RGS7BP: variants seen among roughly 807,000 people sequenced by gnomAD.
RGS7BP encodes the protein regulator of G protein signaling 7 binding protein, also known as regulator of G protein signaling 7-binding protein.
RGS7BP carries 9 observed loss-of-function variants against 31.3 expected under a neutral mutation model. The ratio of observed to expected loss-of-function variants is 0.29; its 90% CI spans 0.17 to 0.50. The LOEUF (loss-of-function observed/expected upper bound fraction) is 0.50. Among genes scored for constraint, RGS7BP ranks in the 20% least tolerant of loss-of-function variants. The pLI, the probability that RGS7BP is intolerant of heterozygous loss-of-function variation, is 0.98. For synonymous variants in RGS7BP, 115 were observed against 120.1 expected (o/e 0.96, Z 0.28); for missense variants, 274 against 322.0 (o/e 0.85, Z 1.14).
chr5:64,612,294 A>C lies in RGS7BP; in HGVS notation c.*3042A>C, dbSNP rs1743525718. The C allele has an allele frequency of 6.6e-6, 1 of 152,302 alleles. No homozygotes were observed. Among genetic ancestry groups the C allele is most frequent in the South Asian group, 2.1e-4 (1 of 4,826 alleles). 9.4% of individuals were successfully genotyped at this position (152,302 alleles called of 1,614,324 possible). A position where few individuals can be genotyped will look rare whatever the true frequency, so the allele number is the denominator to read the frequency against. On this transcript the variant is annotated 3_prime_UTR_variant, in exon 6 of 6. Coordinates refer to ENST00000334025, the MANE Select transcript of RGS7BP (RefSeq NM_001029875.3). ...GCCCACAAGGCCAAGGTGTCACTTAAAAAAACAAACAAAAAAAACAAGCCA... is the reference window on the plus strand; with the variant it reads ...GCCCACAAGGCCAAGGTGTCACTTACAAAAACAAACAAAAAAAACAAGCCA...
At chr5:64,559,504 T>G (rs1742002907) in intron 2 of RGS7BP, among the ~76,000 whole-genome samples, 1 of 152,176 alleles carries the variant, frequency 6.6e-6, no homozygotes, top group Non-Finnish European at 1.5e-5. Context: ...GGGTGCTAGG[T>G]GCCTTCTCAT....
chr5:64,556,421 AC>A (rs1449181891), intron 2 of RGS7BP, among the ~76,000 whole-genome samples: 131 of 97,234 alleles, frequency 1.3e-3, no homozygotes, highest in African/African-American at 4.9e-3. Flanking sequence ...CCCCAGCCAC[AC>A]ACACACACAC....
intron 2 of RGS7BP, among the ~76,000 whole-genome samples, chr5:64,557,913 G>A (rs1741966160): frequency 6.6e-6 from 1 of 152,116 alleles, no homozygotes; most frequent in African/African-American, 2.4e-5. Context: ...ATGAAGGAAG[G>A]CCAAAATGAA....
At chr5:64,607,103 T>C (rs1490993624) in intron 5 of RGS7BP, among the ~76,000 whole-genome samples, 1 of 152,066 alleles carries the variant, frequency 6.6e-6, no homozygotes, top group Non-Finnish European at 1.5e-5. Flanking sequence ...AGGAACACTG[T>C]CAACCTTGGT....
intron 2 of RGS7BP, among the ~76,000 whole-genome samples, chr5:64,521,900 C>T (rs1027641147): frequency 6.6e-6 from 1 of 152,192 alleles, no homozygotes. Flanking sequence ...GAAATGGATA[C>T]ATTCCTACAG....
chr5:64,516,530 C>T (rs950181975), intron 2 of RGS7BP, among the ~76,000 whole-genome samples: 8 of 152,176 alleles, frequency 5.3e-5, no homozygotes, highest in African/African-American at 1.2e-4. Context: ...CCTCCTAAAA[C>T]GCTCCTCTGA....
chr5:64,528,609 C>T (rs1201246468), intron 2 of RGS7BP, among the ~76,000 whole-genome samples: 1 of 151,848 alleles, frequency 6.6e-6, no homozygotes, highest in East Asian at 1.9e-4. Context: ...GTCAGGTGTT[C>T]GAGACCAGCC....
At chr5:64,575,074 TTATCATTTATA>T (rs1742384926) in intron 2 of RGS7BP, among the ~76,000 whole-genome samples, 1 of 152,188 alleles carries the variant, frequency 6.6e-6, no homozygotes, top group Non-Finnish European at 1.5e-5. Flanking sequence ...GCTCCATGTT[TTATCATTTATA>T]TATGTTTTAT....
chr5:64,589,140 CA>C (rs60475127), intron 3 of RGS7BP, among the ~76,000 whole-genome samples: 5,262 of 151,464 alleles, frequency 0.035, 277 homozygotes, highest in African/African-American at 0.12. Flanking sequence ...ACTAAAAATA[CA>C]AAAAAAATTC....
At chr5:64,583,947 T>C (rs751603692) in intron 3 of RGS7BP, among the ~76,000 whole-genome samples, 1 of 152,200 alleles carries the variant, frequency 6.6e-6, no homozygotes, top group Non-Finnish European at 1.5e-5. Flanking sequence ...ACTTGCCAGG[T>C]GCATTATACA....
intron 2 of RGS7BP, among the ~76,000 whole-genome samples, chr5:64,566,632 A>T (rs952964860): frequency 6.6e-6 from 1 of 152,008 alleles, no homozygotes; most frequent in African/African-American, 2.4e-5. Flanking sequence ...TTACTATTAA[A>T]ATGAGCAAAA....
chr5:64,555,799 G>A (rs142645953), intron 2 of RGS7BP, among the ~76,000 whole-genome samples: 1 of 152,026 alleles, frequency 6.6e-6, no homozygotes, highest in Non-Finnish European at 1.5e-5. Flanking sequence ...ATTCAGTTCT[G>A]GTAATTCTGT....
intron 2 of RGS7BP, among the ~76,000 whole-genome samples, chr5:64,529,596 G>A (rs1449070414): frequency 1.3e-5 from 2 of 152,188 alleles, no homozygotes; most frequent in Non-Finnish European, 2.9e-5. Context: ...TACCCTCAGA[G>A]ATTCTGATTT....
chr5:64,522,925 A>C (rs1749144195), intron 2 of RGS7BP, among the ~76,000 whole-genome samples: 1 of 152,184 alleles, frequency 6.6e-6, no homozygotes, highest in Admixed American at 6.5e-5. Context: ...TTATAAAGGC[A>C]TTCTCCATCT....
At chr5:64,604,022 G>A (rs536119026) in intron 5 of RGS7BP, among the ~76,000 whole-genome samples, 2 of 152,338 alleles carry the variant, frequency 1.3e-5, no homozygotes, top group African/African-American at 4.8e-5. Flanking sequence ...GAGGTGGCAA[G>A]TGCAAAGGCA....
rs1394990393 is a variant in RGS7BP at position 64,506,844 on chromosome 5, G to A, written c.165+55G>A. ...TTTTTTAATTGAGAGGGGGTGGGGG[G>A]AGTCATGTATGTTAATCATTTGCCT... On this transcript the variant is annotated intron_variant, in intron 1 of 5. Coordinates refer to ENST00000334025, the MANE Select transcript of RGS7BP (RefSeq NM_001029875.3). The surrounding 1 kb of genome is among the most constrained non-coding windows in gnomAD (Gnocchi z 4.6). 8.0e-6 allele frequency: 12 copies of A among 1,496,648 alleles called. No homozygotes were observed. The East Asian group carries it at 1.8e-4, about 23-fold the overall frequency. 92.7% of individuals were successfully genotyped at this position (1,496,648 alleles called of 1,614,324 possible).
At chr5:64,581,325 T>C (rs570822027) in intron 3 of RGS7BP, among the ~76,000 whole-genome samples, 1 of 152,348 alleles carries the variant, frequency 6.6e-6, no homozygotes, top group South Asian at 2.1e-4. Flanking sequence ...GCTTTGCTTT[T>C]CCATCAAGGA....
intron 3 of RGS7BP, among the ~76,000 whole-genome samples, chr5:64,577,364 C>A (rs750137835): frequency 6.6e-6 from 1 of 152,082 alleles, no homozygotes; most frequent in East Asian, 1.9e-4. Flanking sequence ...ATGGCATGAA[C>A]CTGGGAGGCG....
intron 4 of RGS7BP, among the ~76,000 whole-genome samples, chr5:64,597,785 G>C (rs1743114299): frequency 6.6e-6 from 1 of 151,964 alleles, no homozygotes; most frequent in African/African-American, 2.4e-5. Flanking sequence ...AATACTCAGT[G>C]GGTAAAACGT....
Sources: allele counts gnomAD v4.1 joint callset (sites outside exome capture counted in the v4.1 genomes callset), GRCh38; gene constraint gnomAD v4.1.1; non-coding constraint Gnocchi (gnomAD v3.1); transcripts MANE v1.5; gene names NCBI Gene and HGNC (gene_info 2026-07-23, HGNC 2026-07-21).